DMD: variants seen among roughly 807,000 people sequenced by gnomAD.
The protein encoded by DMD is dystrophin.
DMD carries 63 observed loss-of-function variants against 330.1 expected under a neutral mutation model. That is an observed-to-expected ratio of 0.19 (90% CI 0.16 to 0.24). The LOEUF (loss-of-function observed/expected upper bound fraction) is 0.24. DMD is among the 10% of genes least tolerant of loss of function. DMD has a pLI of 1.00. For missense variants in DMD, 3,344 were observed against 2,684.1 expected (o/e 1.25, Z -5.43); for synonymous variants, 1,223 against 959.8 (o/e 1.27, Z -5.07).
intron 55 of DMD, among the ~76,000 whole-genome samples, chrX:31,525,884 C>T (rs2073205359): frequency 8.9e-6 from 1 of 112,292 alleles, no homozygotes; most frequent in African/African-American, 3.2e-5. Context: ...ATAAAATTCC[C>T]CTGTTTCACA....
chrX:31,996,993 C>T (rs1391054351), intron 44 of DMD, among the ~76,000 whole-genome samples: 2 of 111,039 alleles, frequency 1.8e-5, no homozygotes, highest in African/African-American at 3.3e-5. Context: ...TCTTCCATTC[C>T]ACAATGTGGG....
At chrX:33,256,862 T>C (rs1300437566) in intron 1 of DMD, among the ~76,000 whole-genome samples, 1 of 110,994 alleles carries the variant, frequency 9.0e-6, no homozygotes, top group Non-Finnish European at 1.9e-5. Flanking sequence ...ACTATTCATT[T>C]TTCCTGTTAC....
Position 32,807,135 on chromosome X carries a change from AAAAAAAAAAAAAAAC to A in DMD, c.649+2343_649+2357del, listed in dbSNP as rs1344881789. Among the ~76,000 whole-genome samples, 250 of 104,165 alleles carry A rather than the reference AAAAAAAAAAAAAAAC, an allele frequency of 2.4e-3. 1 individual carries two copies. Among genetic ancestry groups the A allele is most frequent in the African/African-American group, 8.5e-3 (243 of 28,428 alleles). 90.5% of individuals were successfully genotyped at this position (104,165 alleles called of 115,157 possible). ...GACGGAAACATTTAAAAAAAAAAAA[AAAAAAAAAAAAAAAC>A]ATCAACAAATCCAGGAGGTGTTTTT... On this transcript the variant is annotated intron_variant, in intron 7 of 78. Transcript: ENST00000357033.
chrX:31,410,867 T>C (rs1389428378), intron 60 of DMD, among the ~76,000 whole-genome samples: 1 of 107,651 alleles, frequency 9.3e-6, no homozygotes, highest in Non-Finnish European at 1.9e-5. Context: ...GCCTCCCAAG[T>C]AGCTGGGACT....
chrX:31,510,777 T>G (rs188415116), intron 55 of DMD, among the ~76,000 whole-genome samples: 183 of 110,537 alleles, frequency 1.7e-3, no homozygotes, highest in East Asian at 0.014. Flanking sequence ...CCAAAGTGCT[T>G]GGATTACAGG....
In DMD at chrX:31,357,330, G is replaced by T. The variant is rs1305968449; in HGVS notation, c.9085-8696C>A. Among the ~76,000 whole-genome samples the T allele has an allele frequency of 8.4e-5, 9 of 107,489 alleles. No individual in the cohort carries two copies. The East Asian group carries it at 2.6e-3, about 32-fold the overall frequency. 93.3% of individuals were successfully genotyped at this position (107,489 alleles called of 115,157 possible). The stretch of plus-strand genomic sequence containing the variant: ...GGAGTATTTCCAAGGAACAAAAGTG[G>T]CAATTTGAAATAATCATCAGTGAGA... On this transcript the variant is annotated intron_variant, in intron 60 of 78. Coordinates refer to ENST00000357033, the MANE Select transcript of DMD (RefSeq NM_004006.3).
At chrX:31,159,084 A>C (rs2038511014) in intron 74 of DMD, among the ~76,000 whole-genome samples, 1 of 111,977 alleles carries the variant, frequency 8.9e-6, no homozygotes, top group African/African-American at 3.2e-5. Context: ...GAAAAACTCC[A>C]AAGGATATTT....
intron 25 of DMD, among the ~76,000 whole-genome samples, chrX:32,457,893 T>C (rs1393167404): frequency 9.1e-6 from 1 of 110,484 alleles, no homozygotes; most frequent in Non-Finnish European, 1.9e-5. Context: ...AAGCCACTAA[T>C]AATTAAAATA....
intron 21 of DMD, among the ~76,000 whole-genome samples, chrX:32,484,551 T>C (rs2042234289): frequency 2.7e-5 from 3 of 112,405 alleles, no homozygotes; most frequent in South Asian, 7.3e-4. Context: ...TATTAGAAGA[T>C]GCCTAGCAAA....
chrX:33,219,366 A>C, intron 1 of DMD, among the ~76,000 whole-genome samples: 1 of 73,664 alleles, frequency 1.4e-5, no homozygotes, highest in African/African-American at 4.1e-5. Flanking sequence ...TCTGTAAATA[A>C]ATTTTACTTG....
chrX:32,114,517 G>A (rs754715702), intron 44 of DMD, among the ~76,000 whole-genome samples: 9 of 111,275 alleles, frequency 8.1e-5, no homozygotes, highest in African/African-American at 2.6e-4. Context: ...AGGGCAGACC[G>A]TCCTCTTTTG....
At chrX:32,357,553 G>C (rs1047239630) in intron 37 of DMD, among the ~76,000 whole-genome samples, 3 of 109,660 alleles carry the variant, frequency 2.7e-5, no homozygotes, top group Non-Finnish European at 5.7e-5. Context: ...GGTCATCAGT[G>C]TATCTCATCT....
intron 62 of DMD, among the ~76,000 whole-genome samples, chrX:31,315,052 G>T (rs905042532): frequency 2.7e-5 from 3 of 112,044 alleles, no homozygotes; most frequent in Non-Finnish European, 5.6e-5. Flanking sequence ...TTTGTGAAGG[G>T]AACAGGATGC....
rs183735884 is a variant in DMD, at chrX:32,564,722, C to T, written c.1992+980G>A. On this transcript the variant is annotated intron_variant, in intron 16 of 78. Transcript: ENST00000357033. ...GAAAATCATATAGGCTGGTTTATTA[C>T]GCTGTCTTAAATTGTATTCCTGGAG... is the stretch of plus-strand genomic sequence containing the variant. Among the ~76,000 whole-genome samples the T allele has an allele frequency of 3.9e-3, 439 of 111,547 alleles. 5 individuals carry two copies. The highest frequency in any genetic ancestry group is 0.014 in the African/African-American group (421 of 30,716).
intron 9 of DMD, among the ~76,000 whole-genome samples, chrX:32,652,267 C>A (rs1156863964): frequency 1.0e-5 from 1 of 99,900 alleles, no homozygotes; most frequent in African/African-American, 3.7e-5. Context: ...GGTATATCTC[C>A]TAATACTATC....
chrX:33,316,031 T>C (rs989639984), intron 1 of DMD, among the ~76,000 whole-genome samples: 1 of 110,815 alleles, frequency 9.0e-6, no homozygotes, highest in Non-Finnish European at 1.9e-5. Context: ...CTTTCCTATA[T>C]GTAGAATAAA....
At position 32,901,777 on chromosome X, in the gene DMD, T is replaced by C. The variant is rs954598831; in HGVS notation, c.94-51957A>G. On this transcript the variant is annotated intron_variant, in intron 2 of 78. Coordinates refer to ENST00000357033, the MANE Select transcript of DMD (RefSeq NM_004006.3). ...ATAGAAAAATAAACAGAGTTTAGTA[T>C]AGAGTGTCTGAACATGTGTAAAGCA... Among the ~76,000 whole-genome samples, 3 of 110,711 alleles carry C rather than the reference T, an allele frequency of 2.7e-5. No individual in the cohort carries two copies. The South Asian group carries it at 1.1e-3, about 41-fold the overall frequency.
intron 1 of DMD, among the ~76,000 whole-genome samples, chrX:33,190,869 A>AT (rs1250118437): frequency 2.3e-3 from 4 of 1,731 alleles, no homozygotes; most frequent in African/African-American, 7.2e-3. Flanking sequence ...AATATTATAT[A>AT]TATATATATA....
chrX:31,817,998 C>G (rs944861850), intron 50 of DMD, among the ~76,000 whole-genome samples: 1 of 111,410 alleles, frequency 9.0e-6, no homozygotes, highest in African/African-American at 3.3e-5. Context: ...ACAATAATAC[C>G]CTCATCCCAT....
Sources: allele counts gnomAD v4.1 joint callset (sites outside exome capture counted in the v4.1 genomes callset), GRCh38; gene constraint gnomAD v4.1.1; transcripts MANE v1.5; gene names NCBI Gene and HGNC (gene_info 2026-07-23, HGNC 2026-07-21).